The following MYOCOS variants were observed in gnomAD, a reference collection of about 807,000 sequenced individuals.
MYOCOS encodes the protein myocilin opposite strand protein.
chr1:171,618,496 A>G (rs1014209317), upstream of MYOCOS, among the ~76,000 whole-genome samples: 2 of 152,188 alleles, frequency 1.3e-5, no homozygotes, highest in African/African-American at 4.8e-5. Context: ...TTCCAGTTCA[A>G]TTCTTCCTGT....
intron 1 of MYOCOS, among the ~76,000 whole-genome samples, chr1:171,603,669 G>A (rs1202922146): frequency 6.6e-6 from 1 of 152,208 alleles, no homozygotes; most frequent in Admixed American, 6.5e-5. Flanking sequence ...GAGGCTACCT[G>A]ACCTGAAAAA....
intron 1 of MYOCOS, among the ~76,000 whole-genome samples, chr1:171,609,001 C>T (rs536892480): frequency 6.6e-6 from 1 of 152,234 alleles, no homozygotes; most frequent in Admixed American, 6.5e-5. Context: ...TTGGTCTCTT[C>T]CTGGGAAACC....
At chr1:171,605,390 CACACAAA>C (rs1244917934) in intron 1 of MYOCOS, among the ~76,000 whole-genome samples, 2 of 133,306 alleles carry the variant, frequency 1.5e-5, no homozygotes, top group African/African-American at 7.0e-5. Flanking sequence ...CACACACACA[CACACAAA>C]AAAAAAAAAA....
At position 171,605,402 on chromosome 1, in the gene MYOCOS, A is replaced by C. The variant is rs1394686755; in HGVS notation, c.-252+4322A>C. On this transcript the variant is annotated intron_variant, in intron 1 of 3. Coordinates refer to the MYOCOS transcript ENST00000636697. ...ACACACACACACACACACAAAAAAAAAAAAACAGTTACATGATAAAGTTCC... is the reference window on the plus strand; with the variant it reads ...ACACACACACACACACACAAAAAAACAAAAACAGTTACATGATAAAGTTCC... Among the ~76,000 whole-genome samples the C allele has an allele frequency of 5.8e-3, 504 of 87,250 alleles. 3 individuals are homozygous for C. Among genetic ancestry groups the C allele is most frequent in the African/African-American group, 0.016 (463 of 28,140 alleles). 57.2% of individuals were successfully genotyped at this position (87,250 alleles called of 152,430 possible). A position where few individuals can be genotyped will look rare whatever the true frequency, so the allele number is the denominator to read the frequency against.
chr1:171,605,373 C>CCACACACACACA lies in MYOCOS; in HGVS notation c.-252+4304_-252+4315dup, dbSNP rs55880778. Among the ~76,000 whole-genome samples, 107 of 139,274 alleles carry CCACACACACACA rather than the reference C, an allele frequency of 7.7e-4. 1 individual carries two copies. The East Asian group carries it at 0.017, about 22-fold the overall frequency. The allele number at this position is 139,274 out of a possible 152,430, so 91.4% of individuals were successfully genotyped here. On this transcript the variant is annotated intron_variant, in intron 1 of 3. Transcript: ENST00000636697. ...TAAGACAAAAACCATATTAATAGTA[C>CCACACACACACA]CACACACACACACACACACACAAAA... is the stretch of plus-strand genomic sequence containing the variant.
At chr1:171,619,970 G>C (rs1179692632), upstream of MYOCOS, among the ~76,000 whole-genome samples, 1 of 150,622 alleles carries the variant, frequency 6.6e-6, no homozygotes, top group East Asian at 1.9e-4. Flanking sequence ...AAGTTCTTCA[G>C]TTTTGGGATT....
At chr1:171,605,382 C>G (rs1652222885) in intron 1 of MYOCOS, among the ~76,000 whole-genome samples, 1 of 135,880 alleles carries the variant, frequency 7.4e-6, no homozygotes, top group Admixed American at 7.0e-5. Context: ...ACCACACACA[C>G]ACACACACAC....
At chr1:171,604,654 T>C (rs1035353259) in intron 1 of MYOCOS, among the ~76,000 whole-genome samples, 1 of 152,200 alleles carries the variant, frequency 6.6e-6, no homozygotes, top group African/African-American at 2.4e-5. Flanking sequence ...ATTTGACGCC[T>C]GTGCCACTAT....
intron 2 of MYOCOS, among the ~76,000 whole-genome samples, chr1:171,615,804 G>C (rs904641483): frequency 6.6e-6 from 1 of 152,196 alleles, no homozygotes; most frequent in African/African-American, 2.4e-5. Context: ...GGGGAGCTCG[G>C]ATTTTAAGGC....
At chr1:171,601,834 A>G (rs1467882324) in intron 1 of MYOCOS, among the ~76,000 whole-genome samples, 1 of 152,222 alleles carries the variant, frequency 6.6e-6, no homozygotes, top group Admixed American at 6.5e-5. Flanking sequence ...AGACCAGCAG[A>G]GAGAAAAAGA....
intron 1 of MYOCOS, 114 bp from the exon 2 acceptor site, chr1:171,623,727 C>T: frequency 2.5e-6 from 1 of 396,566 alleles, no homozygotes; most frequent in Non-Finnish European, 4.4e-6. Context: ...GTAGGGAGGA[C>T]CAACTGAGAG....
chr1:171,602,914 A>G (rs1652170427), intron 1 of MYOCOS, among the ~76,000 whole-genome samples: 1 of 152,232 alleles, frequency 6.6e-6, no homozygotes, highest in Non-Finnish European at 1.5e-5. Context: ...TGGTTGAAAT[A>G]GATCAAATAT....
intron 1 of MYOCOS, among the ~76,000 whole-genome samples, chr1:171,613,406 TCTGCAGGCCTGGAGG>T (rs1213471519): frequency 1.3e-5 from 2 of 152,222 alleles, no homozygotes; most frequent in Non-Finnish European, 2.9e-5. Flanking sequence ...CCAAACCATT[TCTGCAGGCCTGGAGG>T]GTTCAGGAGG....
chr1:171,625,153 G>A (rs764325875), intron 2 of MYOCOS, among the ~76,000 whole-genome samples: 1 of 152,164 alleles, frequency 6.6e-6, no homozygotes, highest in Non-Finnish European at 1.5e-5. Context: ...GTGGTGCACA[G>A]CCAATTTGAT....
At chr1:171,610,806 G>T (rs988998223) in intron 1 of MYOCOS, among the ~76,000 whole-genome samples, 2 of 152,206 alleles carry the variant, frequency 1.3e-5, no homozygotes, top group African/African-American at 4.8e-5. Context: ...TGGGTACCTT[G>T]GTCTAATGAG....
upstream of MYOCOS, among the ~76,000 whole-genome samples, chr1:171,621,520 C>T (rs191570778): frequency 1.3e-4 from 20 of 151,914 alleles, no homozygotes; most frequent in Admixed American, 1.1e-3. Context: ...GGACTACAGG[C>T]ACCCGCCACC....
intron 2 of MYOCOS, among the ~76,000 whole-genome samples, chr1:171,625,201 A>C (rs1268043823): frequency 6.6e-6 from 1 of 152,166 alleles, no homozygotes; most frequent in Non-Finnish European, 1.5e-5. Context: ...CATTGTCTGC[A>C]GGAAGTGTGG....
At chr1:171,616,136 G>A (rs1434180425) in intron 2 of MYOCOS, among the ~76,000 whole-genome samples, 2 of 152,194 alleles carry the variant, frequency 1.3e-5, no homozygotes, top group Non-Finnish European at 2.9e-5. Flanking sequence ...AGAATCGCTT[G>A]AACCCCAGAG....
At chr1:171,624,453 T>TATTATTATTATC (rs1652650607) in intron 2 of MYOCOS, among the ~76,000 whole-genome samples, 1 of 151,376 alleles carries the variant, frequency 6.6e-6, no homozygotes, top group Non-Finnish European at 1.5e-5. Flanking sequence ...TTATTATTAT[T>TATTATTATTATC]ATTATTATAT....
Sources: allele counts gnomAD v4.1 joint callset (sites outside exome capture counted in the v4.1 genomes callset), GRCh38; gene constraint gnomAD v4.1.1; transcripts MANE v1.5; gene names NCBI Gene and HGNC (gene_info 2026-07-23, HGNC 2026-07-21).